Variants in ACAP2 observed in about 807,000 individuals in gnomAD.
ACAP2 encodes the protein arf-GAP with coiled-coil, ANK repeat and PH domain-containing protein 2.
Under a neutral mutation model 115.8 loss-of-function variants are expected in ACAP2, and 39 were observed. The ratio of observed to expected loss-of-function variants is 0.34; its 90% CI spans 0.26 to 0.44. ACAP2 has a LOEUF of 0.44. Ranked by LOEUF, ACAP2 falls within the 20% of genes least tolerant of loss-of-function variation. ACAP2 has a pLI of 1.00. For missense variants in ACAP2, 662 were observed against 927.6 expected (o/e 0.71, Z 3.72); for synonymous variants, 289 against 315.8 (o/e 0.92, Z 0.90).
At chr3:195,334,527 C>A (rs1028786500) in intron 7 of ACAP2, among the ~76,000 whole-genome samples, 2 of 151,940 alleles carry the variant, frequency 1.3e-5, no homozygotes, top group African/African-American at 4.8e-5. Context: ...TATAAATCAA[C>A]ATGAAAAAGA....
chr3:195,401,393 A>G (rs905320566), intron 1 of ACAP2, among the ~76,000 whole-genome samples: 9 of 152,188 alleles, frequency 5.9e-5, no homozygotes, highest in Non-Finnish European at 1.0e-4. Context: ...GGCTGGGCGC[A>G]GTGGCTCAGG....
intron 1 of ACAP2, among the ~76,000 whole-genome samples, chr3:195,392,981 G>A (rs955712009): frequency 6.6e-6 from 1 of 152,154 alleles, no homozygotes; most frequent in Non-Finnish European, 1.5e-5. Context: ...AAATTTTTAA[G>A]TTGGATAGTA....
chr3:195,341,582 C>T (rs1212466815), intron 6 of ACAP2, among the ~76,000 whole-genome samples: 1 of 152,060 alleles, frequency 6.6e-6, no homozygotes, highest in Non-Finnish European at 1.5e-5. Context: ...CTTGGCCTCC[C>T]AAAGTGCTGG....
chr3:195,283,302 G>A (rs1423140295), intron 22 of ACAP2, among the ~76,000 whole-genome samples: 1 of 151,722 alleles, frequency 6.6e-6, no homozygotes, highest in Non-Finnish European at 1.5e-5. Flanking sequence ...GAAAACGTGT[G>A]CTCTCAATCA....
intron 2 of ACAP2, among the ~76,000 whole-genome samples, chr3:195,384,989 G>A (rs1734197712): frequency 6.6e-6 from 1 of 152,116 alleles, no homozygotes; most frequent in Admixed American, 6.5e-5. Context: ...TCAACCTACT[G>A]TCATACTTAA....
At chr3:195,429,320 A>T (rs112462633) in intron 1 of ACAP2, among the ~76,000 whole-genome samples, 3 of 149,676 alleles carry the variant, frequency 2.0e-5, no homozygotes. Context: ...CCCAGGAGGC[A>T]GTGAGCTGAG....
intron 9 of ACAP2, among the ~76,000 whole-genome samples, chr3:195,324,774 T>C (rs2108610529): frequency 6.6e-6 from 1 of 151,646 alleles, no homozygotes; most frequent in East Asian, 1.9e-4. Context: ...AAAATAAAGA[T>C]CTAAAAAGCA....
chr3:195,428,347 TACAC>T (rs75326647), intron 1 of ACAP2, among the ~76,000 whole-genome samples: 2,058 of 145,590 alleles, frequency 0.014, 34 homozygotes, highest in African/African-American at 0.046. Context: ...TATATATATA[TACAC>T]ACACACACAC....
In ACAP2 at chr3:195,388,110, A is replaced by G. The variant is rs1734419739; in HGVS notation, c.111+3980T>C. 5.3e-5 allele frequency among the ~76,000 whole-genome samples: 8 copies of G among 152,234 alleles called. No homozygotes were observed. In the South Asian group the frequency reaches 1.7e-3, roughly 31 times the overall value. On this transcript the variant is annotated intron_variant, in intron 2 of 22. Transcript: ENST00000326793. The stretch of plus-strand genomic sequence containing the variant: ...ATTATAACAGCTTAAATCAGAGTAC[A>G]TGCAAGAAACAATGCAACAGAAGAA...
chr3:195,371,016 T>C (rs1015706499), intron 4 of ACAP2, among the ~76,000 whole-genome samples: 2 of 152,148 alleles, frequency 1.3e-5, no homozygotes, highest in African/African-American at 4.8e-5. Context: ...CTATTTATTC[T>C]TTTTGCTTAG....
At chr3:195,397,611 A>C in intron 1 of ACAP2, among the ~76,000 whole-genome samples, 1 of 152,316 alleles carries the variant, frequency 6.6e-6, no homozygotes, top group Admixed American at 6.5e-5. Flanking sequence ...AGTTCAAAAA[A>C]AAAAAAGAAA....
chr3:195,284,988 T>C (rs1371322844), intron 22 of ACAP2, among the ~76,000 whole-genome samples: 3 of 152,204 alleles, frequency 2.0e-5, no homozygotes, highest in Admixed American at 1.3e-4. Flanking sequence ...GATTCAAAGG[T>C]GAAAATTACT....
chr3:195,361,158 G>C (rs953105350), intron 4 of ACAP2, among the ~76,000 whole-genome samples: 2 of 152,166 alleles, frequency 1.3e-5, no homozygotes, highest in Non-Finnish European at 2.9e-5. Flanking sequence ...AACTGGGCTG[G>C]GCACAGTGGC....
At chr3:195,402,521 A>C (rs1315709175) in intron 1 of ACAP2, among the ~76,000 whole-genome samples, 1 of 152,242 alleles carries the variant, frequency 6.6e-6, no homozygotes, top group Non-Finnish European at 1.5e-5. Context: ...TATGTAACCA[A>C]TATTATACAT....
intron 1 of ACAP2, among the ~76,000 whole-genome samples, chr3:195,430,622 G>A (rs1017741763): frequency 1.3e-5 from 2 of 152,104 alleles, no homozygotes; most frequent in Admixed American, 6.5e-5. Context: ...GGCTGAGGCA[G>A]GAGAATCACT....
At position 195,391,892 on chromosome 3, in the gene ACAP2, G is replaced by A. The variant is rs570371712; in HGVS notation, c.111+198C>T. On this transcript the variant is annotated intron_variant, in intron 2 of 22. Transcript: ENST00000326793. ...CGCCTGTAATCCCAGCTACTTGGGA[G>A]GCTGAGGCAGGAGGATCGTTTGAAC... 7.2e-5 allele frequency among the ~76,000 whole-genome samples: 11 copies of A among 152,160 alleles called. No individual in the cohort carries two copies. In the East Asian group the frequency reaches 2.1e-3, roughly 30 times the overall value.
In ACAP2 at chr3:195,306,866, AC is replaced by A. The variant is rs201692308; in HGVS notation, c.1011-251del. On this transcript the variant is annotated intron_variant, in intron 12 of 22. Coordinates refer to ENST00000326793, the MANE Select transcript of ACAP2 (RefSeq NM_012287.6). ...CACTGAATATTTAAAAAAAAAAAAA[AC>A]CACTTAAATTTACCATATAAATATA... 4.1e-3 allele frequency: 1,243 copies of A among 303,794 alleles called. 6 individuals carry two copies. Among genetic ancestry groups the A allele is most frequent in the Admixed American group, 6.0e-3 (121 of 20,230 alleles). 18.8% of individuals were successfully genotyped at this position (303,794 alleles called of 1,614,324 possible).
chr3:195,413,502 A>C (rs1238944793), intron 1 of ACAP2, among the ~76,000 whole-genome samples: 1 of 152,200 alleles, frequency 6.6e-6, no homozygotes, highest in Admixed American at 6.5e-5. Context: ...TAATGACAGC[A>C]CTTTGAGAGG....
intron 1 of ACAP2, among the ~76,000 whole-genome samples, chr3:195,424,230 G>GTC (rs1413101376): frequency 8.8e-6 from 1 of 113,656 alleles, no homozygotes; most frequent in African/African-American, 3.6e-5. Flanking sequence ...TCATATGTGT[G>GTC]TGTGTGTGTG....
Sources: allele counts gnomAD v4.1 joint callset (sites outside exome capture counted in the v4.1 genomes callset), GRCh38; gene constraint gnomAD v4.1.1; transcripts MANE v1.5; gene names NCBI Gene and HGNC (gene_info 2026-07-23, HGNC 2026-07-21).